Variants in STON2 observed in about 807,000 individuals in gnomAD.
STON2 encodes the protein stonin 2.
Under a neutral mutation model 65.7 loss-of-function variants are expected in STON2, and 29 were observed. The ratio of observed to expected loss-of-function variants is 0.44; its 90% CI spans 0.33 to 0.60. The LOEUF (loss-of-function observed/expected upper bound fraction) is 0.60. STON2 is among the 20% of genes least tolerant of loss of function. STON2 has a pLI of 0.03. For missense variants in STON2, 1,054 were observed against 1,118.1 expected, an observed-to-expected ratio of 0.94 and a Z score of 0.82; for synonymous variants, 404 against 414.2, an observed-to-expected ratio of 0.98 and a Z score of 0.30.
chr14:81,348,216 C>T (rs974138499), intron 4 of STON2, among the ~76,000 whole-genome samples: 12 of 152,018 alleles, frequency 7.9e-5, no homozygotes, highest in Non-Finnish European at 1.5e-4. Flanking sequence ...GCAAAGATGC[C>T]CACTTTCACC....
At chr14:81,364,275 G>T (rs150725529) in intron 4 of STON2, among the ~76,000 whole-genome samples, 406 of 152,186 alleles carry the variant, frequency 2.7e-3, no homozygotes, top group African/African-American at 8.9e-3. Flanking sequence ...AGCCTATGAG[G>T]GTTTAAATAC....
At position 81,263,267 on chromosome 14, in the gene STON2, G is replaced by C. The variant is rs766548543; in HGVS notation, c.*5147C>G. ...ACATTATGCTATTTTGGCCAGGCGC[G>C]GCGGCTCATGCCTGTTATCCTAGCA... On this transcript the variant is annotated 3_prime_UTR_variant, in exon 8 of 8. Coordinates refer to ENST00000614646, the MANE Select transcript of STON2 (RefSeq NM_001394390.1). 6 of 620,332 alleles carry C rather than the reference G, an allele frequency of 9.7e-6. No homozygotes were observed. The highest frequency in any genetic ancestry group is 1.2e-5 in the Non-Finnish European group (6 of 496,500). 38.4% of individuals were successfully genotyped at this position (620,332 alleles called of 1,614,324 possible). A position where few individuals can be genotyped will look rare whatever the true frequency, so the allele number is the denominator to read the frequency against.
At chr14:81,386,074 C>T (rs1002716818) in intron 3 of STON2, among the ~76,000 whole-genome samples, 1 of 152,080 alleles carries the variant, frequency 6.6e-6, no homozygotes, top group South Asian at 2.1e-4. Context: ...TTACAGCAGA[C>T]GGAGCCCAGG....
At chr14:81,298,050 A>G (rs1334186864) in intron 5 of STON2, among the ~76,000 whole-genome samples, 1 of 152,246 alleles carries the variant, frequency 6.6e-6, no homozygotes, top group Non-Finnish European at 1.5e-5. Flanking sequence ...AAGAAAAATA[A>G]TAATAACTGA....
At chr14:81,374,255 T>G (rs2140375189) in intron 3 of STON2, among the ~76,000 whole-genome samples, 1 of 151,328 alleles carries the variant, frequency 6.6e-6, no homozygotes, top group Admixed American at 6.6e-5. Flanking sequence ...CCTCAAGTGA[T>G]CCATCTGCCC....
At chr14:81,305,239 A>G (rs528434744) in intron 5 of STON2, among the ~76,000 whole-genome samples, 1 of 152,342 alleles carries the variant, frequency 6.6e-6, no homozygotes, top group South Asian at 2.1e-4. Flanking sequence ...TGATGCACAC[A>G]TGCTTGCTTC....
intron 6 of STON2, among the ~76,000 whole-genome samples, chr14:81,275,910 A>G (rs946960947): frequency 6.6e-6 from 1 of 152,258 alleles, no homozygotes; most frequent in African/African-American, 2.4e-5. Context: ...AATCTAAGAA[A>G]GGATAGCCAC....
chr14:81,265,602 G>C lies in STON2; in HGVS notation c.*2812C>G, dbSNP rs993476233. On this transcript the variant is annotated 3_prime_UTR_variant, in exon 8 of 8. Transcript: ENST00000614646. ...AGAGGTTGCAATGAGCCGAGATCACGCCATTGCACTCCAGCCTGGGCGACA... is the reference window on the plus strand; with the variant it reads ...AGAGGTTGCAATGAGCCGAGATCACCCCATTGCACTCCAGCCTGGGCGACA... 1 of 399,936 alleles carries C rather than the reference G, an allele frequency of 2.5e-6. No individual in the cohort carries two copies. The allele number at this position is 399,936 out of a possible 1,614,324, so 24.8% of individuals were successfully genotyped here.
rs540476121 is a variant in STON2, at chr14:81,262,588, T to C, written c.*5826A>G. 7.1e-6 allele frequency: 7 copies of C among 985,450 alleles called. No individual in the cohort carries two copies. Among genetic ancestry groups the C allele is most frequent in the East Asian group, 1.1e-4 (1 of 8,822 alleles). The allele number at this position is 985,450 out of a possible 1,614,324, so 61.0% of individuals were successfully genotyped here. Reference sequence around the variant, plus strand: ...GAAATTCTTTTTTTAGTCTATTCTCTTGTAGCTTTTGTTACATCCAATGAT... The same window carrying C: ...GAAATTCTTTTTTTAGTCTATTCTCCTGTAGCTTTTGTTACATCCAATGAT... On this transcript the variant is annotated 3_prime_UTR_variant, in exon 8 of 8. Coordinates refer to ENST00000614646, the MANE Select transcript of STON2 (RefSeq NM_001394390.1).
intron 5 of STON2, among the ~76,000 whole-genome samples, chr14:81,314,715 A>G (rs1360093977): frequency 6.6e-6 from 1 of 152,228 alleles, no homozygotes; most frequent in Non-Finnish European, 1.5e-5. Flanking sequence ...CCTGAGTAAT[A>G]AGCTAGGCAT....
In STON2 at chr14:81,351,755, T is replaced by A. The variant is rs149687042; in HGVS notation, c.571+19233A>T. Among the ~76,000 whole-genome samples, 25 of 152,338 alleles carry A rather than the reference T, an allele frequency of 1.6e-4. No individual in the cohort carries two copies. In the East Asian group the frequency reaches 4.6e-3, roughly 28 times the overall value. Reference sequence around the variant, plus strand: ...TCCCCAGTCCAGGCCACCATCTATCTTGTCTGGATACTGCCCTGACCTCTA... The same window carrying A: ...TCCCCAGTCCAGGCCACCATCTATCATGTCTGGATACTGCCCTGACCTCTA... On this transcript the variant is annotated intron_variant, in intron 4 of 7. Transcript: ENST00000614646.
intron 3 of STON2, among the ~76,000 whole-genome samples, chr14:81,383,657 C>T (rs951671553): frequency 6.6e-6 from 1 of 152,184 alleles, no homozygotes; most frequent in Admixed American, 6.5e-5. Context: ...CACCCTGCTG[C>T]AAGCCACAAT....
chr14:81,396,554 G>A (rs532217044), intron 2 of STON2, among the ~76,000 whole-genome samples: 2 of 152,304 alleles, frequency 1.3e-5, no homozygotes, highest in East Asian at 3.9e-4. Context: ...GGTGGGGACT[G>A]TGGCTGAACA....
chr14:81,418,520 A>G (rs1901549486), intron 2 of STON2, among the ~76,000 whole-genome samples: 1 of 152,022 alleles, frequency 6.6e-6, no homozygotes, highest in South Asian at 2.1e-4. Context: ...CCCAGATTAC[A>G]GTTTAAAGCT....
chr14:81,371,270 C>A, intron 3 of STON2, 85 bp from the exon 4 acceptor site: 1 of 1,256,492 alleles, frequency 8.0e-7, no homozygotes, highest in Middle Eastern at 2.3e-4. Flanking sequence ...TTTGATGTTG[C>A]TCACATCATA....
At position 81,268,368 on chromosome 14, in the gene STON2, A is replaced by C. The variant is rs1356843292; in HGVS notation, c.*46T>G. 6 of 1,287,900 alleles carry C rather than the reference A, an allele frequency of 4.7e-6. No homozygotes were observed. The highest frequency in any genetic ancestry group is 6.1e-6 in the Non-Finnish European group (6 of 988,190). The allele number at this position is 1,287,900 out of a possible 1,614,324, so 79.8% of individuals were successfully genotyped here. A position where few individuals can be genotyped will look rare whatever the true frequency, so the allele number is the denominator to read the frequency against. On this transcript the variant is annotated 3_prime_UTR_variant, in exon 8 of 8. Transcript: ENST00000614646. The stretch of plus-strand genomic sequence containing the variant: ...ACACCCTATCATGACTCAGGAAGAC[A>C]CCCTATCATGACTCTGGGATCAGGA...
intron 5 of STON2, among the ~76,000 whole-genome samples, chr14:81,284,520 A>T (rs1895256774): frequency 6.6e-6 from 1 of 152,216 alleles, no homozygotes; most frequent in African/African-American, 2.4e-5. Context: ...AAATAAATAA[A>T]GCTAGCAGAG....
chr14:81,377,640 G>A (rs1324242374), intron 3 of STON2, among the ~76,000 whole-genome samples: 1 of 152,150 alleles, frequency 6.6e-6, no homozygotes, highest in Non-Finnish European at 1.5e-5. Context: ...AGCAATGCAT[G>A]AATGATCCAA....
Position 81,275,856 on chromosome 14 carries a change from C to T in STON2, c.2581+1045G>A, listed in dbSNP as rs377306096. Among the ~76,000 whole-genome samples the T allele has an allele frequency of 6.6e-5, 10 of 152,228 alleles. No individual in the cohort carries two copies. In the East Asian group the frequency reaches 1.4e-3, roughly 21 times the overall value. ...TAATACAGACACTCCACACTCAGAG[C>T]GGGAGAGGAAGACTCTTAACACACT... On this transcript the variant is annotated intron_variant, in intron 6 of 7. Transcript: ENST00000614646.
Sources: gnomAD v4.1 joint callset for allele counts (sites outside exome capture counted in the v4.1 genomes callset) on GRCh38, gnomAD v4.1.1 for gene constraint, MANE v1.5 for transcripts, NCBI Gene and HGNC (gene_info 2026-07-23, HGNC 2026-07-21) for gene names.